The following LAMA1 variants were observed in gnomAD, a reference collection of about 807,000 sequenced individuals.
LAMA1 encodes laminin subunit alpha 1.
Under a neutral mutation model 348.7 loss-of-function variants are expected in LAMA1, and 219 were observed. The observed-to-expected ratio is 0.63, with a 90% CI of 0.56 to 0.70. The LOEUF (loss-of-function observed/expected upper bound fraction) is 0.70. Ranked by LOEUF, LAMA1 falls within the 30% of genes least tolerant of loss-of-function variation. The pLI, the probability that LAMA1 is intolerant of heterozygous loss-of-function variation, is 0.00. For synonymous variants in LAMA1, 1,487 were observed against 1,491.0 expected, an observed-to-expected ratio of 1.00 and a Z score of 0.06; for missense variants, 3,744 against 3,888.0, an observed-to-expected ratio of 0.96 and a Z score of 0.99.
intron 3 of LAMA1, among the ~76,000 whole-genome samples, chr18:7,077,420 T>C (rs2058173840): frequency 1.3e-5 from 2 of 152,124 alleles, no homozygotes; most frequent in African/African-American, 4.8e-5. Context: ...TTAGCCAGGA[T>C]GGTCTCGATC....
chr18:6,964,756 T>A lies in LAMA1; in HGVS notation c.7243A>T (p.Lys2415Ter), dbSNP rs755206317. ...DAYNTSNKET[K>*]QGETPGASSD... is the part of the protein sequence containing the mutation. The stretch of plus-strand genomic sequence containing the variant: ...GATGCTCCCGGAGTCTCGCCCTGCT[T>A]GGTTTCTTTATTACTGGTGTTATAG... The change falls in exon 51 of 63, where the codon AAG becomes TAG. Residue 2415 changes from lysine to a stop codon, truncating the protein, a stop_gained. Transcript: ENST00000389658. LOFTEE classifies it high-confidence loss of function. The A allele has an allele frequency of 6.2e-7, 1 of 1,614,114 alleles. No homozygotes were observed. The highest frequency in any genetic ancestry group is 8.5e-7 in the Non-Finnish European group (1 of 1,180,030).
At chr18:6,952,457 G>C (rs936470377) in intron 57 of LAMA1, among the ~76,000 whole-genome samples, 1 of 152,126 alleles carries the variant, frequency 6.6e-6, no homozygotes, top group South Asian at 2.1e-4. Context: ...GTGTGTGCGG[G>C]GGAATGTGAC....
At chr18:6,988,347 G>A (rs1230255903) in intron 36 of LAMA1, among the ~76,000 whole-genome samples, 2 of 152,214 alleles carry the variant, frequency 1.3e-5, no homozygotes, top group Non-Finnish European at 2.9e-5. Context: ...TGAACTGCCA[G>A]GCAGATTCCT....
At chr18:7,077,270 C>G (rs1357962451) in intron 3 of LAMA1, among the ~76,000 whole-genome samples, 1 of 144,918 alleles carries the variant, frequency 6.9e-6, no homozygotes, top group Non-Finnish European at 1.5e-5. Flanking sequence ...GGTGCAGTCT[C>G]GGCTCACTGC....
At chr18:6,960,045 T>C (rs946058940) in intron 53 of LAMA1, 1 of 175,954 alleles carries the variant, frequency 5.7e-6, no homozygotes, top group African/African-American at 2.4e-5. Context: ...CATTCCTTTT[T>C]GCTGACTTAG....
chr18:6,980,324 G>C (rs2057705369), intron 42 of LAMA1, among the ~76,000 whole-genome samples, 197 bp downstream of exon 42: 1 of 152,142 alleles, frequency 6.6e-6, no homozygotes, highest in Non-Finnish European at 1.5e-5. Context: ...CTTGATGCAA[G>C]TATTGTGATG....
chr18:6,979,939 T>C (rs2057703194), intron 42 of LAMA1, among the ~76,000 whole-genome samples: 1 of 152,190 alleles, frequency 6.6e-6, no homozygotes, highest in Non-Finnish European at 1.5e-5. Context: ...CTTCACCCAC[T>C]GGAAAGAACC....
At chr18:7,082,978 GA>G (rs1299690632) in intron 1 of LAMA1, among the ~76,000 whole-genome samples, 2 of 149,516 alleles carry the variant, frequency 1.3e-5, no homozygotes, top group African/African-American at 2.6e-5. Context: ...TTGTGTTATT[GA>G]GGAGGGGAGG....
At chr18:6,967,142 G>A (rs1430144192) in intron 48 of LAMA1, among the ~76,000 whole-genome samples, 3 of 152,180 alleles carry the variant, frequency 2.0e-5, no homozygotes, top group East Asian at 1.9e-4. Context: ...CAGTAAAATC[G>A]TTTCCATGGA....
intron 3 of LAMA1, among the ~76,000 whole-genome samples, chr18:7,055,217 G>A (rs12958370): frequency 0.037 from 5,685 of 151,860 alleles, 142 homozygotes; most frequent in Non-Finnish European, 0.056. Flanking sequence ...TTAGGAGGCC[G>A]AGGCGGGCAG....
intron 33 of LAMA1, among the ~76,000 whole-genome samples, chr18:6,996,440 T>C (rs535482546): frequency 1.3e-5 from 2 of 152,306 alleles, no homozygotes; most frequent in East Asian, 3.9e-4. Context: ...CTAACGCATA[T>C]ATAAAGCAAA....
intron 1 of LAMA1, among the ~76,000 whole-genome samples, chr18:7,103,968 C>T (rs2058301780): frequency 6.6e-6 from 1 of 151,986 alleles, no homozygotes; most frequent in African/African-American, 2.4e-5. Context: ...CTAAATAATA[C>T]CCATTATTTT....
chr18:7,032,942 G>A (rs2057977087), intron 15 of LAMA1, 42 bp downstream of exon 15: 1 of 1,440,920 alleles, frequency 6.9e-7, no homozygotes, highest in Admixed American at 1.9e-5. Flanking sequence ...TTTCCCCTTA[G>A]GAAGGAACGA....
intron 1 of LAMA1, among the ~76,000 whole-genome samples, chr18:7,093,360 G>A (rs2058247556): frequency 6.6e-6 from 1 of 152,100 alleles, no homozygotes; most frequent in Admixed American, 6.6e-5. Flanking sequence ...AGCTTGCAGT[G>A]ATCCAAGATC....
chr18:6,995,265 T>C, intron 34 of LAMA1, 92 bp downstream of exon 34: 2 of 852,782 alleles, frequency 2.3e-6, no homozygotes, highest in South Asian at 2.7e-5. Context: ...CATGATCTAA[T>C]CAGAACCTTC....
chr18:6,948,497 G>T lies in LAMA1; in HGVS notation c.8616C>A (p.Asp2872Glu). 3 of 1,614,194 alleles carry T rather than the reference G, an allele frequency of 1.9e-6. No homozygotes were observed. Among genetic ancestry groups the T allele is most frequent in the Non-Finnish European group, 2.5e-6 (3 of 1,180,042 alleles). Reference sequence around the variant, plus strand: ...TGAAGGCAGACACCGGGCTGTCCTTGTCCAGCTGTTTGCTGTTAACCGTCA... The same window carrying T: ...TGAAGGCAGACACCGGGCTGTCCTTTTCCAGCTGTTTGCTGTTAACCGTCA... ...GDVTVNSKQL[D>E]KDSPVSAFTV... The change falls in exon 60 of 63, where the codon GAC becomes GAA. Residue 2872 changes from aspartate (D) to glutamate (E), a missense_variant. By Grantham distance (45) the Asp-to-Glu change is conservative. Around this residue, in one of 3 missense-constraint regions of LAMA1, gnomAD observed 232 missense variants for 264.4 expected, o/e 0.88. Transcript: ENST00000389658.
chr18:7,027,674 G>C (rs972098653), intron 16 of LAMA1, among the ~76,000 whole-genome samples: 1 of 152,156 alleles, frequency 6.6e-6, no homozygotes, highest in Non-Finnish European at 1.5e-5. Context: ...CAGGCGCGGT[G>C]GTTCACGCCT....
intron 3 of LAMA1, among the ~76,000 whole-genome samples, chr18:7,068,920 G>A (rs28722565): frequency 5.2e-4 from 74 of 141,756 alleles, no homozygotes; most frequent in Middle Eastern, 6.8e-3. Context: ...ATTTCAGAAC[G>A]GACTTCCCTT....
intron 24 of LAMA1, 123 bp from the exon 25 acceptor site, chr18:7,011,602 A>G: frequency 9.8e-7 from 1 of 1,025,092 alleles, no homozygotes; most frequent in Admixed American, 2.0e-5. Context: ...AGAAACAGTA[A>G]AGACTTTTCC....
Sources: allele counts gnomAD v4.1 joint callset (sites outside exome capture counted in the v4.1 genomes callset), GRCh38; gene constraint gnomAD v4.1.1; regional missense constraint gnomAD v4.1.1; transcripts MANE v1.5; gene names NCBI Gene and HGNC (gene_info 2026-07-23, HGNC 2026-07-21).